CCND3: variants seen among roughly 807,000 people sequenced by gnomAD.
CCND3 encodes the protein G1/S-specific cyclin-D3.
Under a neutral mutation model 28.7 loss-of-function variants are expected in CCND3, and 9 were observed. The observed-to-expected ratio is 0.31, with a 90% CI of 0.19 to 0.55. CCND3 has a LOEUF of 0.55. Among genes scored for constraint, CCND3 ranks in the 20% least tolerant of loss-of-function variants. The pLI, the probability that CCND3 is intolerant of heterozygous loss-of-function variation, is 0.93. For synonymous variants in CCND3, 164 were observed against 163.9 expected, an observed-to-expected ratio of 1.00 and a Z score of 0.00; for missense variants, 315 against 385.8, an observed-to-expected ratio of 0.82 and a Z score of 1.54.
intron 1 of CCND3, among the ~76,000 whole-genome samples, chr6:42,000,231 A>AT (rs1445279092): frequency 1.5e-5 from 1 of 68,790 alleles, no homozygotes; most frequent in Non-Finnish European, 2.7e-5. Context: ...ATTTGAAAAC[A>AT]TACTTTTTTT....
At chr6:41,949,738 C>G (rs576097115) in intron 1 of CCND3, among the ~76,000 whole-genome samples, 5 of 152,028 alleles carry the variant, frequency 3.3e-5, no homozygotes, top group African/African-American at 1.2e-4. Flanking sequence ...TTATAAGCTG[C>G]TTGGGAAAAG....
chr6:41,982,041 G>A (rs1407435654), intron 1 of CCND3, among the ~76,000 whole-genome samples: 9 of 151,358 alleles, frequency 5.9e-5, no homozygotes, highest in African/African-American at 1.7e-4. Context: ...AGGCTGAGGC[G>A]GGCAGATCAC....
intron 1 of CCND3, among the ~76,000 whole-genome samples, chr6:42,044,603 C>G (rs1440006185): frequency 6.6e-6 from 1 of 152,160 alleles, no homozygotes; most frequent in African/African-American, 2.4e-5. Context: ...TCTGCCTCCA[C>G]TAGTCCCACT....
chr6:41,981,240 C>T (rs1481743193), intron 1 of CCND3, among the ~76,000 whole-genome samples: 1 of 152,158 alleles, frequency 6.6e-6, no homozygotes, highest in Non-Finnish European at 1.5e-5. Flanking sequence ...GAGTCTCCCT[C>T]TGTCACCCAG....
chr6:41,987,475 TTTTCTCTCTCTCTCTC>T lies in CCND3; in HGVS notation c.-45-46906_-45-46891del, dbSNP rs1337889565. ...TAACCACAACTCCCATGGACCAGGC[TTTTCTCTCTCTCTCTC>T]TCTCTCTCTCTCTCTCTCTCTCTCT... is the stretch of plus-strand genomic sequence containing the variant. On this transcript the variant is annotated intron_variant, in intron 1 of 4. Transcript: ENST00000372988. Among the ~76,000 whole-genome samples, 170 of 110,044 alleles carry T rather than the reference TTTTCTCTCTCTCTCTC, an allele frequency of 1.5e-3. 2 individuals are homozygous for T. The highest frequency in any genetic ancestry group is 5.4e-3 in the African/African-American group (151 of 27,950). 72.2% of individuals were successfully genotyped at this position (110,044 alleles called of 152,430 possible). A position where few individuals can be genotyped will look rare whatever the true frequency, so the allele number is the denominator to read the frequency against.
At chr6:41,970,713 C>T (rs1258387345) in intron 1 of CCND3, among the ~76,000 whole-genome samples, 1 of 152,206 alleles carries the variant, frequency 6.6e-6, no homozygotes, top group Non-Finnish European at 1.5e-5. Flanking sequence ...CACACTACAC[C>T]CATGCGCTTC....
chr6:42,046,211 G>A (rs76143776), intron 1 of CCND3, among the ~76,000 whole-genome samples: 13,033 of 152,210 alleles, frequency 0.086, 743 homozygotes, highest in East Asian at 0.25. Flanking sequence ...ATTTAAAAGC[G>A]TTTCAGAAAG....
At chr6:41,981,569 G>A (rs1189321316) in intron 1 of CCND3, among the ~76,000 whole-genome samples, 4 of 151,844 alleles carry the variant, frequency 2.6e-5, no homozygotes, top group African/African-American at 9.7e-5. Flanking sequence ...TTTCACCCAG[G>A]CTGGAGTGCA....
At chr6:41,989,273 A>G (rs1762583421) in intron 1 of CCND3, among the ~76,000 whole-genome samples, 1 of 151,854 alleles carries the variant, frequency 6.6e-6, no homozygotes, top group Non-Finnish European at 1.5e-5. Context: ...GGCCTGGCCA[A>G]CATGGTGAAA....
At chr6:42,047,483 G>A (rs941549932) in intron 1 of CCND3, among the ~76,000 whole-genome samples, 1 of 152,170 alleles carries the variant, frequency 6.6e-6, no homozygotes, top group Admixed American at 6.5e-5. Flanking sequence ...TAGGCAGAGG[G>A]CAAGGACTCG....
At chr6:42,025,607 T>A (rs190324830) in intron 1 of CCND3, among the ~76,000 whole-genome samples, 1 of 152,124 alleles carries the variant, frequency 6.6e-6, no homozygotes, top group East Asian at 1.9e-4. Context: ...TCCACTGCCC[T>A]CCCCTCCGGC....
At chr6:41,996,670 C>CTTT (rs34368226) in intron 1 of CCND3, among the ~76,000 whole-genome samples, 2,484 of 141,422 alleles carry the variant, frequency 0.018, 78 homozygotes, top group African/African-American at 0.059. Flanking sequence ...AAAATCTTAC[C>CTTT]TTTTTTTTTT....
At chr6:41,951,156 A>T (rs1344903860) in intron 1 of CCND3, among the ~76,000 whole-genome samples, 1 of 152,104 alleles carries the variant, frequency 6.6e-6, no homozygotes, top group Non-Finnish European at 1.5e-5. Context: ...TTTGTGTGAC[A>T]GGAAGGGTGG....
At chr6:41,942,733 A>G (rs750113258), upstream of CCND3, among the ~76,000 whole-genome samples, 2 of 152,140 alleles carry the variant, frequency 1.3e-5, no homozygotes, top group Admixed American at 6.5e-5. Context: ...CGGAAGCTAG[A>G]TTCCACTTGA....
upstream of CCND3, among the ~76,000 whole-genome samples, chr6:42,049,456 G>C (rs906611251): frequency 3.3e-5 from 5 of 152,248 alleles, no homozygotes; most frequent in Admixed American, 1.3e-4. Context: ...AAGGTCAAGT[G>C]CCCGAAGTAC....
intron 1 of CCND3, 141 bp from the exon 2 acceptor site, chr6:41,940,726 A>AGG (rs1292148134): frequency 1.3e-6 from 1 of 750,530 alleles, no homozygotes; most frequent in Non-Finnish European, 2.3e-6. Flanking sequence ...GGACCAATAA[A>AGG]GGAGGAGGAT....
At chr6:42,047,096 G>A (rs912028881) in intron 1 of CCND3, among the ~76,000 whole-genome samples, 17 of 152,204 alleles carry the variant, frequency 1.1e-4, no homozygotes, top group Admixed American at 1.0e-3. Context: ...ACCTGACAGT[G>A]TTATGTAACT....
chr6:41,986,422 A>T (rs1421153687), intron 1 of CCND3, among the ~76,000 whole-genome samples: 2 of 151,938 alleles, frequency 1.3e-5, no homozygotes, highest in East Asian at 3.8e-4. Flanking sequence ...ATATCATTCC[A>T]TTTATTTGTG....
chr6:42,031,833 G>C (rs1372249723), intron 1 of CCND3, among the ~76,000 whole-genome samples: 1 of 53,792 alleles, frequency 1.9e-5, no homozygotes, highest in East Asian at 5.1e-4. Flanking sequence ...TTTTTTTTTT[G>C]AGACAGAGTG....
Sources: allele counts gnomAD v4.1 joint callset (sites outside exome capture counted in the v4.1 genomes callset), GRCh38; gene constraint gnomAD v4.1.1; transcripts MANE v1.5; gene names NCBI Gene and HGNC (gene_info 2026-07-23, HGNC 2026-07-21).